The following TANC1 variants were observed in gnomAD, a reference collection of about 807,000 sequenced individuals.
The protein encoded by TANC1 is tetratricopeptide repeat, ankyrin repeat and coiled-coil containing 1.
A neutral mutation model predicts 149.7 loss-of-function variants in TANC1; 77 were observed. The ratio of observed to expected loss-of-function variants is 0.51; its 90% CI spans 0.43 to 0.62. The LOEUF (loss-of-function observed/expected upper bound fraction) is 0.62. TANC1 is among the 20% of genes least tolerant of loss of function. TANC1 has a pLI of 0.00. For synonymous variants in TANC1, 854 were observed against 925.0 expected, an observed-to-expected ratio of 0.92 and a Z score of 1.39; for missense variants, 1,985 against 2,321.8, an observed-to-expected ratio of 0.85 and a Z score of 2.98.
Position 159,227,958 on chromosome 2 carries a change from A to G in TANC1, c.4043A>G (p.Lys1348Arg), listed in dbSNP as rs765113137. Residue 1348 changes from lysine (K) to arginine (R), a missense_variant, in exon 25 of 27, where the codon AAA becomes AGA. Physicochemically the swap from Lys to Arg is conservative, Grantham distance 26 (BLOSUM62 2). Around this residue, in one of 3 missense-constraint regions of TANC1, gnomAD observed 920 missense variants for 994.7 expected, o/e 0.92. Transcript: ENST00000263635. Reference protein sequence around the residue: ...LYLNLSRCRRKTNDFGMAEEF... With the variant: ...LYLNLSRCRRRTNDFGMAEEF... ...CTCAATTTGTCGCGATGCCGAAGAAAAACAAATGTAAGCTGTGCCCCTTTA... is the reference window on the plus strand; with the variant it reads ...CTCAATTTGTCGCGATGCCGAAGAAGAACAAATGTAAGCTGTGCCCCTTTA... 6 of 1,612,354 alleles carry G rather than the reference A, an allele frequency of 3.7e-6. No individual in the cohort carries two copies. The highest frequency in any genetic ancestry group is 5.1e-6 in the Non-Finnish European group (6 of 1,179,622).
At chr2:159,015,520 G>A (rs1471893810) in intron 2 of TANC1, among the ~76,000 whole-genome samples, 1 of 152,234 alleles carries the variant, frequency 6.6e-6, no homozygotes, top group South Asian at 2.1e-4. Flanking sequence ...CATTACTTAC[G>A]CAAATTTCTA....
chr2:159,012,818 G>T (rs1423747608), intron 2 of TANC1, among the ~76,000 whole-genome samples: 1 of 152,078 alleles, frequency 6.6e-6, no homozygotes, highest in Non-Finnish European at 1.5e-5. Flanking sequence ...AGGGAATTTT[G>T]AGCTTTTAAT....
chr2:159,007,684 C>G (rs557971004), intron 2 of TANC1, among the ~76,000 whole-genome samples: 1 of 152,122 alleles, frequency 6.6e-6, no homozygotes, highest in Non-Finnish European at 1.5e-5. Context: ...AACGTATCCT[C>G]GTTGATAAGT....
intron 1 of TANC1, among the ~76,000 whole-genome samples, chr2:158,995,776 C>A (rs2036076747): frequency 6.6e-6 from 1 of 152,132 alleles, no homozygotes; most frequent in African/African-American, 2.4e-5. Context: ...CTGTATTAAA[C>A]ATATTAGCAC....
intron 1 of TANC1, among the ~76,000 whole-genome samples, chr2:158,983,365 G>T (rs1276985046): frequency 2.6e-5 from 4 of 151,068 alleles, no homozygotes; most frequent in Non-Finnish European, 5.9e-5. Flanking sequence ...TACTCGGGAG[G>T]CTGAGGCAGG....
chr2:159,130,596 T>G (rs1407799332), intron 4 of TANC1, among the ~76,000 whole-genome samples: 2 of 152,228 alleles, frequency 1.3e-5, no homozygotes. Context: ...GCAGTTGTTC[T>G]GTAGCCGCAG....
At chr2:159,124,806 C>T (rs536784623) in intron 4 of TANC1, among the ~76,000 whole-genome samples, 1 of 151,824 alleles carries the variant, frequency 6.6e-6, no homozygotes, top group Non-Finnish European at 1.5e-5. Flanking sequence ...GTAGCATGAG[C>T]ATGACTCACT....
chr2:159,136,049 T>TGTGTGTGTGCGA, intron 4 of TANC1, 145 bp from the exon 5 acceptor site: 4 of 90,882 alleles, frequency 4.4e-5, no homozygotes, highest in Non-Finnish European at 6.2e-5. Flanking sequence ...TGTGTGTGTG[T>TGTGTGTGTGCGA]GCGCGCGCGC....
At chr2:159,131,663 G>C (rs1354769374) in intron 4 of TANC1, among the ~76,000 whole-genome samples, 1 of 152,028 alleles carries the variant, frequency 6.6e-6, no homozygotes, top group African/African-American at 2.4e-5. Context: ...TAATCTTTTT[G>C]CTACAACTTT....
chr2:159,202,431 GT>G (rs1457006010), intron 19 of TANC1, among the ~76,000 whole-genome samples: 1 of 152,170 alleles, frequency 6.6e-6, no homozygotes, highest in Non-Finnish European at 1.5e-5. Flanking sequence ...GTCTCTACTG[GT>G]TTTGGAGAGC....
At chr2:159,211,924 G>A (rs2059009618) in intron 19 of TANC1, among the ~76,000 whole-genome samples, 2 of 152,194 alleles carry the variant, frequency 1.3e-5, no homozygotes, top group Admixed American at 1.3e-4. Flanking sequence ...AGGAGGACAG[G>A]GTCCAACCCA....
At chr2:159,221,448 C>A (rs1033202241) in intron 22 of TANC1, among the ~76,000 whole-genome samples, 6 of 151,814 alleles carry the variant, frequency 4.0e-5, no homozygotes, top group Non-Finnish European at 7.4e-5. Flanking sequence ...AGAAGTTACT[C>A]CTCCTGTCTA....
At chr2:159,211,731 C>A (rs552447618) in intron 19 of TANC1, among the ~76,000 whole-genome samples, 60 of 152,338 alleles carry the variant, frequency 3.9e-4, no homozygotes, top group African/African-American at 1.3e-3. Flanking sequence ...ACTCAATCTG[C>A]TTAGAAAAAG....
intron 17 of TANC1, 133 bp from the exon 18 acceptor site, chr2:159,196,475 A>T: frequency 4.4e-6 from 3 of 687,794 alleles, no homozygotes; most frequent in Non-Finnish European, 7.1e-6. Context: ...CATGTTCTCC[A>T]GAAAGACAAG....
At chr2:159,014,468 G>C (rs944843704) in intron 2 of TANC1, among the ~76,000 whole-genome samples, 1 of 152,100 alleles carries the variant, frequency 6.6e-6, no homozygotes, top group African/African-American at 2.4e-5. Flanking sequence ...GATTTGGGTG[G>C]GGACACAGAG....
intron 2 of TANC1, among the ~76,000 whole-genome samples, chr2:159,023,852 C>T (rs769741024): frequency 4.6e-5 from 7 of 151,894 alleles, no homozygotes; most frequent in South Asian, 2.1e-4. Context: ...CCTGTAGTCC[C>T]AGCTACTCGA....
chr2:159,217,731 T>A (rs2059438411), intron 20 of TANC1, 101 bp downstream of exon 20: 3 of 1,441,800 alleles, frequency 2.1e-6, no homozygotes, highest in Non-Finnish European at 1.9e-6. Context: ...CCTGAGCCTG[T>A]CTGTTCCCCA....
chr2:159,186,743 C>A, intron 15 of TANC1, 159 bp from the exon 16 acceptor site: 1 of 824,220 alleles, frequency 1.2e-6, no homozygotes, highest in Non-Finnish European at 1.9e-6. Context: ...AGTGAAAGCT[C>A]GCATGTCCAG....
intron 8 of TANC1, 61 bp downstream of exon 8, chr2:159,163,607 C>G: frequency 1.3e-6 from 2 of 1,561,602 alleles, no homozygotes; most frequent in Non-Finnish European, 1.7e-6. Context: ...CCTGTGTTCA[C>G]TGTCTTCACA....
Sources: allele counts gnomAD v4.1 joint callset (sites outside exome capture counted in the v4.1 genomes callset), GRCh38; gene constraint gnomAD v4.1.1; regional missense constraint gnomAD v4.1.1; transcripts MANE v1.5; gene names NCBI Gene and HGNC (gene_info 2026-07-23, HGNC 2026-07-21).